The following ABLIM3 variants were observed in gnomAD, a reference collection of about 807,000 sequenced individuals.
ABLIM3 encodes actin-binding LIM protein 3.
ABLIM3 carries 61 observed loss-of-function variants against 109.5 expected under a neutral mutation model. The observed-to-expected ratio is 0.56, with a 90% CI of 0.45 to 0.69. ABLIM3 has a LOEUF of 0.69. Among genes scored for constraint, ABLIM3 ranks in the 30% least tolerant of loss-of-function variants. The probability of loss-of-function intolerance (pLI) is 0.00; values close to 1 mark genes in which losing one functional copy is unlikely to be tolerated. For missense variants in ABLIM3, 796 were observed against 889.5 expected, an observed-to-expected ratio of 0.89 and a Z score of 1.34; for synonymous variants, 300 against 324.8, an observed-to-expected ratio of 0.92 and a Z score of 0.82.
At chr5:149,208,418 C>G (rs1361575136) in intron 6 of ABLIM3, among the ~76,000 whole-genome samples, 1 of 129,800 alleles carries the variant, frequency 7.7e-6, no homozygotes, top group Non-Finnish European at 1.7e-5. Flanking sequence ...GTCTCTCTTT[C>G]TCTCTCTCTG....
At chr5:149,225,292 G>A (rs1761064735) in intron 8 of ABLIM3, among the ~76,000 whole-genome samples, 1 of 152,070 alleles carries the variant, frequency 6.6e-6, no homozygotes, top group Non-Finnish European at 1.5e-5. Context: ...CCTCATACAT[G>A]CCATTAAGCA....
intron 14 of ABLIM3, 127 bp downstream of exon 14, chr5:149,240,901 G>C: frequency 1.3e-6 from 1 of 794,906 alleles, no homozygotes; most frequent in Non-Finnish European, 2.1e-6. Context: ...CCCTAACCAA[G>C]CACCTGCACC....
intron 2 of ABLIM3, chr5:149,164,128 C>T (rs5004316): frequency 2.0e-5 from 3 of 152,076 alleles, no homozygotes; most frequent in Non-Finnish European, 4.4e-5. Flanking sequence ...GTTCTTCCAC[C>T]AGAATGGTGG....
At position 149,258,249 on chromosome 5, in the gene ABLIM3, CTT is replaced by C. The variant is rs748564866; in HGVS notation, c.1939-40_1939-39del. On this transcript the variant is annotated intron_variant, in intron 23 of 23. Transcript: ENST00000309868. ...GCATCTTGCATCCTCATGCTGCTCT[CTT>C]TCTCTGTCCCCCCACCCCCGCCTGC... 1.9e-6 allele frequency: 3 copies of C among 1,585,616 alleles called. No homozygotes were observed. In the Admixed American group the frequency reaches 5.0e-5, roughly 27 times the overall value.
intron 23 of ABLIM3, among the ~76,000 whole-genome samples, chr5:149,255,258 C>T (rs1754330034): frequency 6.6e-6 from 1 of 152,196 alleles, no homozygotes; most frequent in Non-Finnish European, 1.5e-5. Context: ...ACTGTGGGCC[C>T]CTTGAGGGCA....
Position 149,246,486 on chromosome 5 carries a change from C to G in ABLIM3, c.1491C>G (p.Pro497=). The G allele has an allele frequency of 6.2e-7, 1 of 1,613,998 alleles. No homozygotes were observed. The highest frequency in any genetic ancestry group is 8.5e-7 in the Non-Finnish European group (1 of 1,179,996). Residue 497 remains proline (P), a synonymous_variant, in exon 17 of 24, where the codon CCC becomes CCG. Transcript: ENST00000309868. ...ATCTTTTCTGTCTTTTGACAGTGCCCCGAGCCAGAAGGTTCTCGTCTGGAG... is the reference window on the plus strand; with the variant it reads ...ATCTTTTCTGTCTTTTGACAGTGCCGCGAGCCAGAAGGTTCTCGTCTGGAG... ...YWTYHGSPKV[P]RARRFSSGGE...
chr5:149,242,592 C>G, intron 15 of ABLIM3, 54 bp downstream of exon 15: 1 of 1,594,312 alleles, frequency 6.3e-7, no homozygotes, highest in South Asian at 1.1e-5. Flanking sequence ...GGGAGGTTAA[C>G]CATCTATGCA....
chr5:149,248,945 C>T (rs1753675742), intron 18 of ABLIM3, among the ~76,000 whole-genome samples: 1 of 151,794 alleles, frequency 6.6e-6, no homozygotes. Flanking sequence ...TGCAGTCCTG[C>T]CAGGAAATCT....
chr5:149,227,815 C>T (rs1193369679), intron 8 of ABLIM3, among the ~76,000 whole-genome samples: 2 of 152,188 alleles, frequency 1.3e-5, no homozygotes, highest in East Asian at 3.8e-4. Context: ...GTTAGAGAAG[C>T]CAACTGCCTA....
intron 3 of ABLIM3, among the ~76,000 whole-genome samples, chr5:149,195,116 T>C (rs150044348): frequency 1.3e-5 from 2 of 152,156 alleles, no homozygotes. Flanking sequence ...GCACTTTCTG[T>C]TCTAGATGTG....
intron 3 of ABLIM3, among the ~76,000 whole-genome samples, chr5:149,188,713 A>G (rs1379789186): frequency 6.6e-6 from 1 of 152,144 alleles, no homozygotes; most frequent in East Asian, 1.9e-4. Flanking sequence ...ATCTAAACCT[A>G]ATTATCACAC....
At position 149,240,035 on chromosome 5, in the gene ABLIM3, A is replaced by G. The variant is rs779222249; in HGVS notation, c.1204+147A>G. ...GAGGCCTATGGCCACCCAGGTGACC[A>G]GCTGGGCCTCTCTGAGTCCCTGAGA... On this transcript the variant is annotated intron_variant, in intron 13 of 23. Transcript: ENST00000309868. The G allele has an allele frequency of 1.3e-4, 150 of 1,189,834 alleles. 1 individual carries two copies. Among genetic ancestry groups the G allele is most frequent in the Middle Eastern group, 8.8e-4 (3 of 3,420 alleles). The allele number at this position is 1,189,834 out of a possible 1,614,324, so 73.7% of individuals were successfully genotyped here. A position where few individuals can be genotyped will look rare whatever the true frequency, so the allele number is the denominator to read the frequency against.
intron 22 of ABLIM3, 171 bp from the exon 23 acceptor site, chr5:149,252,586 A>G: frequency 1.6e-6 from 1 of 607,856 alleles, no homozygotes; most frequent in Non-Finnish European, 2.9e-6. Context: ...TTTTGAGAGA[A>G]GGTATCTTAA....
intron 3 of ABLIM3, among the ~76,000 whole-genome samples, chr5:149,194,906 G>T (rs567503970): frequency 6.6e-6 from 1 of 152,192 alleles, no homozygotes; most frequent in Middle Eastern, 3.4e-3. Context: ...GTACATGGGA[G>T]TTATTTTATT....
intron 2 of ABLIM3, among the ~76,000 whole-genome samples, chr5:149,147,753 T>C (rs1303592693): frequency 6.6e-6 from 1 of 152,178 alleles, no homozygotes; most frequent in Non-Finnish European, 1.5e-5. Context: ...CCAGTTCTCA[T>C]TTTTTTATGT....
intron 10 of ABLIM3, among the ~76,000 whole-genome samples, chr5:149,233,632 T>A (rs1335468597): frequency 6.6e-6 from 1 of 152,100 alleles, no homozygotes; most frequent in Non-Finnish European, 1.5e-5. Flanking sequence ...ACTACTTAAC[T>A]GAGAGCAAGA....
chr5:149,154,395 C>G (rs1753697511), intron 2 of ABLIM3, among the ~76,000 whole-genome samples: 2 of 152,302 alleles, frequency 1.3e-5, no homozygotes, highest in African/African-American at 2.4e-5. Context: ...CTGGCAGAGA[C>G]AGAGCCTGGG....
chr5:149,199,680 T>C (rs372296454), intron 4 of ABLIM3, among the ~76,000 whole-genome samples: 7 of 152,324 alleles, frequency 4.6e-5, no homozygotes, highest in African/African-American at 1.7e-4. Flanking sequence ...CAATGTTAGG[T>C]GCTGTGCTGA....
At chr5:149,173,780 G>A (rs942194316) in intron 2 of ABLIM3, among the ~76,000 whole-genome samples, 5 of 152,118 alleles carry the variant, frequency 3.3e-5, no homozygotes, top group Non-Finnish European at 5.9e-5. Flanking sequence ...CCAGCACTTT[G>A]GGAGGCCGAG....
Sources: gnomAD v4.1 joint callset for allele counts (sites outside exome capture counted in the v4.1 genomes callset) on GRCh38, gnomAD v4.1.1 for gene constraint, MANE v1.5 for transcripts, NCBI Gene and HGNC (gene_info 2026-07-23, HGNC 2026-07-21) for gene names.